Variants in SGCD observed in about 807,000 individuals in gnomAD.
SGCD encodes delta-sarcoglycan.
SGCD carries 18 observed loss-of-function variants against 36.6 expected under a neutral mutation model. That is an observed-to-expected ratio of 0.49 (90% CI 0.34 to 0.73). The LOEUF is 0.73. Ranked by LOEUF, SGCD falls within the 30% of genes least tolerant of loss-of-function variation. SGCD has a pLI of 0.01. For missense variants in SGCD, 387 were observed against 346.7 expected, an observed-to-expected ratio of 1.12 and a Z score of -0.92; for synonymous variants, 133 against 130.6, an observed-to-expected ratio of 1.02 and a Z score of -0.12.
intron 3 of SGCD, among the ~76,000 whole-genome samples, chr5:156,207,016 A>G (rs1429397284): frequency 6.6e-6 from 1 of 152,070 alleles, no homozygotes; most frequent in African/African-American, 2.4e-5. Context: ...ATGTTCTTTT[A>G]TTGGTGAATA....
intron 1 of SGCD, among the ~76,000 whole-genome samples, chr5:156,073,807 T>C (rs897457992): frequency 2.0e-5 from 3 of 152,104 alleles, no homozygotes; most frequent in Non-Finnish European, 2.9e-5. Flanking sequence ...GCCACAGGGG[T>C]TTTCTTCATA....
At chr5:155,817,362 C>T in the SGCD span, among the ~76,000 whole-genome samples, 5 of 150,814 alleles carry the variant, frequency 3.3e-5, no homozygotes, top group African/African-American at 1.2e-4. Context: ...TAGGGTCCTG[C>T]AAGTTTTACT....
chr5:156,319,630 G>A (rs371166686), intron 3 of SGCD, among the ~76,000 whole-genome samples: 1 of 152,278 alleles, frequency 6.6e-6, no homozygotes, highest in East Asian at 1.9e-4. Context: ...GTGAAGAGGT[G>A]ATACAGTGAA....
At position 156,759,396 on chromosome 5, in the gene SGCD, T is replaced by G. The variant is rs773089763; in HGVS notation, c.*6T>G. The stretch of plus-strand genomic sequence containing the variant: ...ACACAAGTGTCTGCCTCTGAAAGAC[T>G]ATCCATAGTGGACATTGTTGGCAGC... On this transcript the variant is annotated 3_prime_UTR_variant, in exon 9 of 9. Coordinates refer to ENST00000337851, the MANE Select transcript of SGCD (RefSeq NM_000337.6). 5 of 1,595,212 alleles carry G rather than the reference T, an allele frequency of 3.1e-6. No homozygotes were observed. In the East Asian group the frequency reaches 1.1e-4, roughly 36 times the overall value.
chr5:156,670,325 C>T (rs1034483460), intron 7 of SGCD, among the ~76,000 whole-genome samples: 3 of 152,130 alleles, frequency 2.0e-5, no homozygotes, highest in Non-Finnish European at 4.4e-5. Context: ...CCATTTTCTT[C>T]CTCAAATAGA....
At chr5:156,448,685 T>G (rs564878746) in intron 3 of SGCD, among the ~76,000 whole-genome samples, 1 of 151,982 alleles carries the variant, frequency 6.6e-6, no homozygotes, top group South Asian at 2.1e-4. Flanking sequence ...GAAATAACAT[T>G]ATCCATGGGT....
chr5:156,690,892 A>T (rs1279042026), intron 7 of SGCD, among the ~76,000 whole-genome samples: 1 of 152,100 alleles, frequency 6.6e-6, no homozygotes, highest in East Asian at 1.9e-4. Context: ...TGGCAAGGAT[A>T]CTGTAGTCTT....
At chr5:156,144,053 C>A (rs1197543276) in intron 3 of SGCD, among the ~76,000 whole-genome samples, 1 of 152,010 alleles carries the variant, frequency 6.6e-6, no homozygotes, top group Admixed American at 6.6e-5. Flanking sequence ...CGTGTCCCTA[C>A]AAAGGACATG....
chr5:155,972,400 T>C (rs1384729901), intron 1 of SGCD, among the ~76,000 whole-genome samples: 2 of 152,200 alleles, frequency 1.3e-5, no homozygotes, highest in East Asian at 3.8e-4. Flanking sequence ...CCTAATACTA[T>C]GTTGTGAACA....
At chr5:156,053,378 G>A (rs377331649) in intron 1 of SGCD, among the ~76,000 whole-genome samples, 1 of 146,434 alleles carries the variant, frequency 6.8e-6, no homozygotes, top group East Asian at 1.9e-4. Context: ...AAAGGCCCAG[G>A]ATGAACAGGA....
At chr5:155,802,133 T>C in the SGCD span, among the ~76,000 whole-genome samples, 4 of 152,328 alleles carry the variant, frequency 2.6e-5, no homozygotes, top group East Asian at 7.7e-4. Context: ...TAGAGATCCT[T>C]GTCAGTCCCA....
chr5:155,974,536 C>T (rs938022515), intron 1 of SGCD, among the ~76,000 whole-genome samples: 1 of 146,250 alleles, frequency 6.8e-6, no homozygotes, highest in Non-Finnish European at 1.5e-5. Flanking sequence ...AGGTCCAACT[C>T]CCACTGGACG....
intron 3 of SGCD, among the ~76,000 whole-genome samples, chr5:156,504,943 C>CATGTTTACAT (rs1371686932): frequency 2.6e-5 from 4 of 152,114 alleles, no homozygotes; most frequent in Non-Finnish European, 4.4e-5. Context: ...TAATCATATG[C>CATGTTTACAT]GTGTAAACAT....
intron 3 of SGCD, among the ~76,000 whole-genome samples, chr5:156,152,319 C>A (rs962962327): frequency 6.6e-6 from 1 of 151,446 alleles, no homozygotes; most frequent in Non-Finnish European, 1.5e-5. Context: ...CTGAAGACAT[C>A]GTGGGTCAGA....
At chr5:155,816,350 A>G in the SGCD span, among the ~76,000 whole-genome samples, 1 of 152,196 alleles carries the variant, frequency 6.6e-6, no homozygotes, top group Non-Finnish European at 1.5e-5. Context: ...TATAATATGT[A>G]TTATAATAAA....
At position 156,602,782 on chromosome 5, in the gene SGCD, G is replaced by A. The variant is rs117021826; in HGVS notation, c.502+7731G>A. Reference sequence around the variant, plus strand: ...ATGGTAAACCATCCTTGCATTCCTGGTATGAATCCTACTTGGTCATAGTGA... The same window carrying A: ...ATGGTAAACCATCCTTGCATTCCTGATATGAATCCTACTTGGTCATAGTGA... On this transcript the variant is annotated intron_variant, in intron 6 of 8. Transcript: ENST00000337851. Among the ~76,000 whole-genome samples, 241 of 152,210 alleles carry A rather than the reference G, an allele frequency of 1.6e-3. 7 individuals are homozygous for A. The East Asian group carries it at 0.042, about 26-fold the overall frequency.
intron 7 of SGCD, among the ~76,000 whole-genome samples, chr5:156,716,971 T>A (rs1346962023): frequency 6.6e-6 from 1 of 152,188 alleles, no homozygotes; most frequent in African/African-American, 2.4e-5. Flanking sequence ...ACAACATGAG[T>A]CATCTTTGTT....
At chr5:156,723,074 TTAAAAGCTTCTG>T (rs1561876833) in intron 7 of SGCD, among the ~76,000 whole-genome samples, 1 of 151,920 alleles carries the variant, frequency 6.6e-6, no homozygotes, top group Non-Finnish European at 1.5e-5. Flanking sequence ...CTAGAGAGGG[TTAAAAGCTTCTG>T]TAATGCCAGC....
chr5:156,396,464 A>G (rs1005709454), intron 3 of SGCD, among the ~76,000 whole-genome samples: 2 of 152,172 alleles, frequency 1.3e-5, no homozygotes, highest in African/African-American at 2.4e-5. Flanking sequence ...GGAGGGTATC[A>G]GGAGGGTTTG....
Sources: gnomAD v4.1 joint callset for allele counts (sites outside exome capture counted in the v4.1 genomes callset) on GRCh38, gnomAD v4.1.1 for gene constraint, MANE v1.5 for transcripts, NCBI Gene and HGNC (gene_info 2026-07-23, HGNC 2026-07-21) for gene names.